The following VILL variants were observed in gnomAD, a reference collection of about 807,000 sequenced individuals.
The protein encoded by VILL is villin like, also known as villin-like protein.
Under a neutral mutation model 106.3 loss-of-function variants are expected in VILL, and 102 were observed. The ratio of observed to expected loss-of-function variants is 0.96; its 90% CI spans 0.82 to 1.13. The LOEUF (loss-of-function observed/expected upper bound fraction) is 1.13, where lower values mean the gene tolerates loss of function less well. VILL is among the 50% of genes most tolerant of loss of function. The pLI is 0.00. For missense variants in VILL, 1,076 were observed against 1,116.6 expected (o/e 0.96, Z 0.52); for synonymous variants, 431 against 440.3 (o/e 0.98, Z 0.27).
chr3:38,000,340 G>C (rs920101821), intron 11 of VILL, among the ~76,000 whole-genome samples: 5 of 152,072 alleles, frequency 3.3e-5, no homozygotes, highest in Admixed American at 6.6e-5. Context: ...GAAAGAGGAA[G>C]ACAGGGAAGG....
At chr3:38,006,368 A>T in intron 18 of VILL, 81 bp from the exon 19 acceptor site, 1 of 1,596,794 alleles carries the variant, frequency 6.3e-7, no homozygotes, top group Non-Finnish European at 8.6e-7. Context: ...GTTGGAGGTA[A>T]GAGGCCTGTG....
chr3:37,993,563 T>G, intron 1 of VILL, 24 bp from the exon 2 acceptor site: 1 of 985,440 alleles, frequency 1.0e-6, no homozygotes, highest in Non-Finnish European at 1.5e-6. Flanking sequence ...GCCCTCCTAA[T>G]AAAAGTCATG....
rs1699852547 is a variant in VILL at position 38,003,233 on chromosome 3, G to A, written c.1725G>A (p.Glu575=). The change falls in exon 15 of 20, where the codon GAG becomes GAA. Residue 575 remains glutamate, a synonymous_variant. Coordinates refer to ENST00000383759, the MANE Select transcript of VILL (RefSeq NM_015873.4). ...TCACTGTCATTTCCAGGAAGAATGA[G>A]GAAACGGTGCTGGAGGGTCAGGAGC... ...VVVTVISRKN[E]ETVLEGQEPP... 6.2e-7 allele frequency: 1 copy of A among 1,613,882 alleles called. No individual in the cohort carries two copies. The highest frequency in any genetic ancestry group is 2.2e-5 in the East Asian group (1 of 44,880).
Position 37,997,107 on chromosome 3 carries a change from G to A in VILL, c.481G>A (p.Gly161Ser), listed in dbSNP as rs199511941. Residue 161 changes from glycine to serine, a missense_variant, in exon 6 of 20, where the codon GGT becomes AGT. Transcript: ENST00000383759. The surrounding 1 kb of genome is among the most constrained non-coding windows in gnomAD (Gnocchi z 4.7). ...GCTCTCCTGGAACAGCTTTAATAAG[G>A]GTGACATCTTCCTGCTGGACCTAGG... is the stretch of plus-strand genomic sequence containing the variant. ...VELSWNSFNK[G>S]DIFLLDLGKM... The A allele has an allele frequency of 3.6e-5, 58 of 1,614,106 alleles. No individual in the cohort carries two copies. The East Asian group carries it at 1.2e-3, about 33-fold the overall frequency.
intron 15 of VILL, 57 bp downstream of exon 15, chr3:38,003,370 G>A (rs1699856105): frequency 6.6e-7 from 1 of 1,520,214 alleles, no homozygotes; most frequent in Non-Finnish European, 8.8e-7. Context: ...GGCCCAGAGA[G>A]GAGGGTGGGT....
chr3:38,005,211 C>G (rs777863975), intron 16 of VILL, among the ~76,000 whole-genome samples: 1 of 152,140 alleles, frequency 6.6e-6, no homozygotes, highest in Non-Finnish European at 1.5e-5. Flanking sequence ...TCAGAACAAA[C>G]CCAGAGCTCT....
At chr3:38,001,372 G>GGA (rs775715686) in intron 11 of VILL, 84 bp from the exon 12 acceptor site, 22 of 1,574,650 alleles carry the variant, frequency 1.4e-5, no homozygotes, top group Non-Finnish European at 1.9e-5. Flanking sequence ...CAGAGGCTGG[G>GGA]GAGAGCTTTC....
At chr3:37,990,270 A>G (rs969675153), upstream of VILL, among the ~76,000 whole-genome samples, 1 of 152,162 alleles carries the variant, frequency 6.6e-6, no homozygotes, top group Non-Finnish European at 1.5e-5. This position sits in a 1 kb window ranked among gnomAD's most constrained non-coding sequence, Gnocchi z 5.1. Flanking sequence ...TGTGCCAGGC[A>G]GTGAGCTCAC....
chr3:38,006,364 G>A, intron 18 of VILL, 85 bp from the exon 19 acceptor site: 1 of 1,598,142 alleles, frequency 6.3e-7, no homozygotes, highest in Non-Finnish European at 8.6e-7. Flanking sequence ...TGCAGTTGGA[G>A]GTAAGAGGCC....
upstream of VILL, chr3:37,988,328 G>A (rs1699573068): frequency 6.6e-6 from 1 of 152,220 alleles, no homozygotes; most frequent in Non-Finnish European, 1.5e-5. Flanking sequence ...TGGAAGGTTT[G>A]GGGAGGGGGG....
chr3:38,003,976 C>T, intron 15 of VILL: 1 of 345,480 alleles, frequency 2.9e-6, no homozygotes. Flanking sequence ...GGCGAGACTC[C>T]AGCTCAGGCC....
In VILL at chr3:38,003,485, G is replaced by C. The variant is rs986268031; in HGVS notation, c.1805+172G>C. 3 of 852,922 alleles carry C rather than the reference G, an allele frequency of 3.5e-6. No homozygotes were observed. In the East Asian group the frequency reaches 8.7e-5, roughly 25 times the overall value. 52.8% of individuals were successfully genotyped at this position (852,922 alleles called of 1,614,324 possible). ...AAGTACAGCCCACGCTTCGCTCCCA[G>C]GCCTGGGTAACTTGCGTCTCTCAGA... On this transcript the variant is annotated intron_variant, in intron 15 of 19. Transcript: ENST00000383759.
rs1366419382 is a variant in VILL at position 37,997,169 on chromosome 3, C to T, written c.543C>T (p.Ser181=). ...TTCAGTGGAATGGGCCCAAGACCAG[C>T]ATTTCTGAGAAGGCTCGGGTCAGTG... ...MMIQWNGPKT[S]ISEKARGLAL... The change falls in exon 6 of 20, where the codon AGC becomes AGT. Residue 181 remains serine (S), a synonymous_variant. Transcript: ENST00000383759. The surrounding 1 kb of genome is among the most constrained non-coding windows in gnomAD (Gnocchi z 4.7). 6.2e-7 allele frequency: 1 copy of T among 1,614,062 alleles called. No individual in the cohort carries two copies. Among genetic ancestry groups the T allele is most frequent in the Admixed American group, 1.7e-5 (1 of 60,008 alleles).
rs752246256 is a variant in VILL at position 37,997,715 on chromosome 3, G to A, written c.764+30G>A. 4.3e-6 allele frequency: 6 copies of A among 1,387,032 alleles called. No homozygotes were observed. The highest frequency in any genetic ancestry group is 6.1e-6 in the Non-Finnish European group (6 of 986,820). The allele number at this position is 1,387,032 out of a possible 1,614,324, so 85.9% of individuals were successfully genotyped here. A position where few individuals can be genotyped will look rare whatever the true frequency, so the allele number is the denominator to read the frequency against. ...GTACCCCTGGGGTGGGCAGGGGTGGGTGGGACAGTCCAGGACTCTGTGTCC... is the reference window on the plus strand; with the variant it reads ...GTACCCCTGGGGTGGGCAGGGGTGGATGGGACAGTCCAGGACTCTGTGTCC... On this transcript the variant is annotated intron_variant, in intron 7 of 19. Coordinates refer to ENST00000383759, the MANE Select transcript of VILL (RefSeq NM_015873.4). The surrounding 1 kb of genome is among the most constrained non-coding windows in gnomAD (Gnocchi z 4.7).
Position 38,006,993 on chromosome 3 carries a change from G to A in VILL, c.2509G>A (p.Glu837Lys). The change falls in exon 20 of 20, where the codon GAA becomes AAA. Residue 837 changes from glutamate (E) to lysine (K), a missense_variant. Physicochemically the swap from Glu to Lys is moderately conservative, Grantham distance 56. Transcript: ENST00000383759. ...FQDIFGKSKE[E>K]FYSMATWRQR... ...AGATATCTTTGGGAAATCCAAGGAGGAATTCTACAGCATGGCCACGTGGAG... is the reference window on the plus strand; with the variant it reads ...AGATATCTTTGGGAAATCCAAGGAGAAATTCTACAGCATGGCCACGTGGAG... 1 of 1,614,130 alleles carries A rather than the reference G, an allele frequency of 6.2e-7. No individual in the cohort carries two copies.
chr3:37,993,590 T>C lies in VILL; in HGVS notation c.-83T>C. 1.5e-6 allele frequency: 2 copies of C among 1,322,212 alleles called. No individual in the cohort carries two copies. Among genetic ancestry groups the C allele is most frequent in the Non-Finnish European group, 2.2e-6 (2 of 928,924 alleles). The allele number at this position is 1,322,212 out of a possible 1,614,324, so 81.9% of individuals were successfully genotyped here. On this transcript the variant is annotated 5_prime_UTR_variant, in exon 2 of 20. Coordinates refer to ENST00000383759, the MANE Select transcript of VILL (RefSeq NM_015873.4). ...AAAGTCATGTTCTATAATGAAGTTG[T>C]ACAGGTAGCCAGGTGTCGGTCTCCA...
Position 37,994,568 on chromosome 3 carries a change from C to T in VILL, c.341+102C>T, listed in dbSNP as rs1451499597. 2.2e-6 allele frequency: 3 copies of T among 1,375,854 alleles called. No homozygotes were observed. The East Asian group carries it at 7.4e-5, about 34-fold the overall frequency. 85.2% of individuals were successfully genotyped at this position (1,375,854 alleles called of 1,614,324 possible). A position where few individuals can be genotyped will look rare whatever the true frequency, so the allele number is the denominator to read the frequency against. The stretch of plus-strand genomic sequence containing the variant: ...CGTCCACATCCCTGAATGGGGCAAG[C>T]CGGGAGGGGTTGGGTAACACCTTTA... On this transcript the variant is annotated intron_variant, in intron 4 of 19. Coordinates refer to ENST00000383759, the MANE Select transcript of VILL (RefSeq NM_015873.4).
Position 37,999,005 on chromosome 3 carries a change from A to T in VILL, c.1036A>T (p.Thr346Ser). Residue 346 changes from threonine to serine, a missense_variant, in exon 10 of 20, where the codon ACT (threonine) becomes TCT (serine). Thr to Ser is a moderately conservative substitution (Grantham distance 58). Coordinates refer to ENST00000383759, the MANE Select transcript of VILL (RefSeq NM_015873.4). ...GGCCGCGTTCAAGCAGCTCTTCCGG[A>T]CTTGGTCTGAGAAGCGGCGCAGGAA... is the stretch of plus-strand genomic sequence containing the variant. ...ESAAFKQLFR[T>S]WSEKRRRNQK... 6.3e-7 allele frequency: 1 copy of T among 1,593,120 alleles called. No individual in the cohort carries two copies. Among genetic ancestry groups the T allele is most frequent in the South Asian group, 1.1e-5 (1 of 90,594 alleles).
rs200500937 is a variant in VILL, at chr3:38,005,819, A to T, written c.1978A>T (p.Ser660Cys). The T allele has an allele frequency of 5.0e-6, 8 of 1,612,950 alleles. 1 individual carries two copies. The Admixed American group carries it at 1.0e-4, about 20-fold the overall frequency. ...EIFLWLGEAA[S>C]EWKEAVAWGQ... ...CTTCCTGTGGCTTGGGGAAGCTGCA[A>T]GTGAGTGGAAGGAGGCGGTGGCCTG... Residue 660 changes from serine (S) to cysteine (C), a missense_variant, in exon 17 of 20, where the codon AGT becomes TGT. Coordinates refer to ENST00000383759, the MANE Select transcript of VILL (RefSeq NM_015873.4).
Sources: allele counts gnomAD v4.1 joint callset (sites outside exome capture counted in the v4.1 genomes callset), GRCh38; gene constraint gnomAD v4.1.1; non-coding constraint Gnocchi (gnomAD v3.1); transcripts MANE v1.5; gene names NCBI Gene and HGNC (gene_info 2026-07-23, HGNC 2026-07-21).